ELOVL7: variants seen among roughly 807,000 people sequenced by gnomAD.
The protein encoded by ELOVL7 is ELOVL fatty acid elongase 7.
ELOVL7 carries 27 observed loss-of-function variants against 35.7 expected under a neutral mutation model. That is an observed-to-expected ratio of 0.76 (90% CI 0.56 to 1.04). The LOEUF is 1.04. ELOVL7 is among the 50% of genes least tolerant of loss of function. ELOVL7 has a pLI of 0.00. For synonymous variants in ELOVL7, 113 were observed against 114.6 expected, an observed-to-expected ratio of 0.99 and a Z score of 0.09; for missense variants, 327 against 340.8, an observed-to-expected ratio of 0.96 and a Z score of 0.32.
At chr5:60,779,211 A>C (rs1426174804) in intron 3 of ELOVL7, among the ~76,000 whole-genome samples, 6 of 152,138 alleles carry the variant, frequency 3.9e-5, no homozygotes, top group Non-Finnish European at 8.8e-5. Flanking sequence ...GCAAGCTGTC[A>C]ATGGATCTAG....
intron 1 of ELOVL7, among the ~76,000 whole-genome samples, chr5:60,809,706 T>C (rs1745137294): frequency 6.6e-6 from 1 of 152,232 alleles, no homozygotes; most frequent in Non-Finnish European, 1.5e-5. Context: ...TTTATGTATA[T>C]GCCTAAGGCA....
chr5:60,766,257 A>G (rs1742228543), intron 6 of ELOVL7, among the ~76,000 whole-genome samples: 1 of 152,238 alleles, frequency 6.6e-6, no homozygotes, highest in Non-Finnish European at 1.5e-5. Context: ...AACAACTGTC[A>G]TCCATCTATA....
Position 60,757,553 on chromosome 5 carries a change from G to A in ELOVL7, c.592C>T (p.Gln198Ter). Residue 198 changes from glutamine (Q) to a stop codon, truncating the protein, a stop_gained, in exon 8 of 9, where the codon CAG becomes TAG. Coordinates refer to ENST00000508821, the MANE Select transcript of ELOVL7 (RefSeq NM_024930.3). LOFTEE classifies it high-confidence loss of function. ...TATTTTTTCCACCACAAATACTTCT[G>A]GTAGGCTGGCCCCAATGCAGAAAGT... is the stretch of plus-strand genomic sequence containing the variant. ...YGLSALGPAYQKYLWWKKYLT... is the reference protein window; with the variant it reads ...YGLSALGPAY 1.2e-6 allele frequency: 2 copies of A among 1,613,326 alleles called. No individual in the cohort carries two copies. Among genetic ancestry groups the A allele is most frequent in the Non-Finnish European group, 1.7e-6 (2 of 1,179,532 alleles).
intron 1 of ELOVL7, among the ~76,000 whole-genome samples, chr5:60,825,031 T>C (rs1418323915): frequency 1.3e-5 from 2 of 151,520 alleles, no homozygotes; most frequent in Non-Finnish European, 2.9e-5. Context: ...TCTCGGCTCA[T>C]TGCAACCTCC....
chr5:60,763,732 G>A (rs573930856), intron 7 of ELOVL7, among the ~76,000 whole-genome samples: 1 of 152,216 alleles, frequency 6.6e-6, no homozygotes, highest in East Asian at 1.9e-4. Context: ...GATGCTTTAG[G>A]AAGTTGGGGT....
intron 1 of ELOVL7, among the ~76,000 whole-genome samples, chr5:60,807,105 A>G (rs1476444887): frequency 6.6e-6 from 1 of 152,160 alleles, no homozygotes; most frequent in Non-Finnish European, 1.5e-5. Flanking sequence ...AGAGCCTGAG[A>G]AGCCTCACAA....
At chr5:60,812,797 C>G (rs532191751) in intron 1 of ELOVL7, among the ~76,000 whole-genome samples, 8 of 152,316 alleles carry the variant, frequency 5.3e-5, no homozygotes, top group African/African-American at 1.9e-4. Flanking sequence ...CTTCTCACAG[C>G]CCTGACCTTG....
chr5:60,776,014 C>G (rs1742879945), intron 3 of ELOVL7, among the ~76,000 whole-genome samples: 1 of 152,136 alleles, frequency 6.6e-6, no homozygotes, highest in Non-Finnish European at 1.5e-5. Context: ...AGCTTTTGCA[C>G]AGCAAAAGAA....
intron 3 of ELOVL7, among the ~76,000 whole-genome samples, chr5:60,786,923 C>T (rs541280988): frequency 5.3e-5 from 8 of 151,076 alleles, no homozygotes; most frequent in African/African-American, 1.5e-4. Context: ...TGCACCACTG[C>T]ACTCCAGCTT....
chr5:60,773,234 G>C (rs1467044284), intron 3 of ELOVL7, among the ~76,000 whole-genome samples: 1 of 152,182 alleles, frequency 6.6e-6, no homozygotes, highest in Non-Finnish European at 1.5e-5. Context: ...CAAGTTCCCA[G>C]AAGGACCTGA....
At chr5:60,824,407 G>A (rs1746053313) in intron 1 of ELOVL7, among the ~76,000 whole-genome samples, 1 of 152,206 alleles carries the variant, frequency 6.6e-6, no homozygotes, top group Non-Finnish European at 1.5e-5. Flanking sequence ...AGGCATGTGG[G>A]ATTGAAGCGA....
At position 60,787,444 on chromosome 5, in the gene ELOVL7, A is replaced by C; in HGVS notation, c.-34-13T>G. 1 of 1,425,382 alleles carries C rather than the reference A, an allele frequency of 7.0e-7. No homozygotes were observed. The highest frequency in any genetic ancestry group is 1.3e-5 in the South Asian group (1 of 78,116). 88.3% of individuals were successfully genotyped at this position (1,425,382 alleles called of 1,614,324 possible). A position where few individuals can be genotyped will look rare whatever the true frequency, so the allele number is the denominator to read the frequency against. On this transcript the variant is annotated splice_polypyrimidine_tract_variant and intron_variant, in intron 2 of 8. Transcript: ENST00000508821. ...CTTTTAATGGGTTCTTCAGTAAAAT[A>C]AAACAGAAATGAGTTTATAATCTAT...
At chr5:60,754,977 T>G in intron 8 of ELOVL7, 144 bp from the exon 9 acceptor site, 1 of 680,632 alleles carries the variant, frequency 1.5e-6, no homozygotes, top group Non-Finnish European at 2.5e-6. Context: ...TCCCTGAGAG[T>G]GATAATGGGT....
chr5:60,785,922 A>G (rs1743556128), intron 3 of ELOVL7: 1 of 152,206 alleles, frequency 6.6e-6, no homozygotes, highest in African/African-American at 2.4e-5. Context: ...GCAAATGATG[A>G]AACAGTGTAT....
intron 3 of ELOVL7, among the ~76,000 whole-genome samples, chr5:60,774,218 A>G (rs1169683316): frequency 9.9e-5 from 15 of 152,176 alleles, no homozygotes; most frequent in Admixed American, 9.8e-4. Flanking sequence ...CTACAGGCCA[A>G]TATCTCTCAT....
rs1382604693 is a variant in ELOVL7, at chr5:60,752,643, T to C, written c.*1981A>G. On this transcript the variant is annotated 3_prime_UTR_variant, in exon 9 of 9. Coordinates refer to ENST00000508821, the MANE Select transcript of ELOVL7 (RefSeq NM_024930.3). ...TTAGCTGTGCTCTTTTGTCCTTCAT[T>C]CTTTATTTTCTAAAAATATAAAATT... 6.6e-6 allele frequency: 1 copy of C among 152,522 alleles called. No individual in the cohort carries two copies. Among genetic ancestry groups the C allele is most frequent in the African/African-American group, 2.4e-5 (1 of 41,412 alleles). 9.4% of individuals were successfully genotyped at this position (152,522 alleles called of 1,614,324 possible).
At chr5:60,792,112 A>T (rs577958257) in intron 2 of ELOVL7, among the ~76,000 whole-genome samples, 1 of 152,276 alleles carries the variant, frequency 6.6e-6, no homozygotes, top group South Asian at 2.1e-4. Context: ...AACCCAAACT[A>T]GATGAGGCAG....
At chr5:60,804,044 T>C (rs902531872) in intron 1 of ELOVL7, among the ~76,000 whole-genome samples, 1 of 152,212 alleles carries the variant, frequency 6.6e-6, no homozygotes, top group Admixed American at 6.5e-5. Flanking sequence ...AGTATAATCA[T>C]GACTCTTGAG....
At position 60,754,780 on chromosome 5, in the gene ELOVL7, A is replaced by C. The variant is rs979695222; in HGVS notation, c.690T>G (p.Asp230Glu). 4 of 1,614,072 alleles carry C rather than the reference A, an allele frequency of 2.5e-6. No individual in the cohort carries two copies. Among genetic ancestry groups the C allele is most frequent in the Non-Finnish European group, 3.4e-6 (4 of 1,180,036 alleles). Residue 230 changes from aspartate to glutamate, a missense_variant, in exon 9 of 9, where the codon GAT (aspartate) becomes GAG (glutamate). Physicochemically the swap from Asp to Glu is conservative, Grantham distance 45 (BLOSUM62 2). Coordinates refer to ENST00000508821, the MANE Select transcript of ELOVL7 (RefSeq NM_024930.3). Reference protein sequence around the residue: ...IHISQFFFMEDCKYQFPVFAC... With the variant: ...IHISQFFFMEECKYQFPVFAC... ...CAAAGACTGGAAACTGATACTTGCA[A>C]TCCTCCATGAAAAAGAACTGGCTTA...
Sources: gnomAD v4.1 joint callset for allele counts (sites outside exome capture counted in the v4.1 genomes callset) on GRCh38, gnomAD v4.1.1 for gene constraint, MANE v1.5 for transcripts, NCBI Gene and HGNC (gene_info 2026-07-23, HGNC 2026-07-21) for gene names.